The following ACAD10 variants were observed in gnomAD, a reference collection of about 807,000 sequenced individuals.
The protein encoded by ACAD10 is acyl-CoA dehydrogenase family member 10.
ACAD10 carries 112 observed loss-of-function variants against 116.8 expected under a neutral mutation model. The ratio of observed to expected loss-of-function variants is 0.96; its 90% confidence interval spans 0.82 to 1.12. ACAD10 has a LOEUF of 1.12. Ranked by LOEUF, ACAD10 falls within the 50% of genes most tolerant of loss-of-function variation. ACAD10 has a pLI of 0.00. For synonymous variants in ACAD10, 486 were observed against 510.6 expected, an observed-to-expected ratio of 0.95 and a Z score of 0.65; for missense variants, 1,259 against 1,350.2, an observed-to-expected ratio of 0.93 and a Z score of 1.06.
At chr12:111,727,518 C>T (rs887142614) in intron 8 of ACAD10, among the ~76,000 whole-genome samples, 13 of 152,026 alleles carry the variant, frequency 8.6e-5, no homozygotes, top group Admixed American at 5.9e-4. Context: ...AGCGAGACTC[C>T]GTCTCAAAAA....
At chr12:111,692,631 C>T (rs1888083903) in intron 1 of ACAD10, 66 bp from the exon 2 acceptor site, 2 of 1,525,012 alleles carry the variant, frequency 1.3e-6, no homozygotes, top group African/African-American at 1.4e-5. Context: ...CCTCTGAGCT[C>T]CAGGATGGAG....
chr12:111,731,716 TAGA>T (rs1378815764), intron 10 of ACAD10, among the ~76,000 whole-genome samples: 3 of 152,202 alleles, frequency 2.0e-5, no homozygotes, highest in Non-Finnish European at 4.4e-5. Context: ...TTTTGATGGA[TAGA>T]AGAACATTTC....
rs1308816055 is a variant in ACAD10 at position 111,736,955 on chromosome 12, T to C, written c.1665T>C (p.Phe555=). Residue 555 remains phenylalanine, a synonymous_variant, in exon 12 of 21, where the codon TTT becomes TTC. Coordinates refer to ENST00000313698, the MANE Select transcript of ACAD10 (RefSeq NM_025247.6). ...ENWNFYMAFS[F]FRVAAILQGV... ...GGAACTTCTATATGGCTTTTTCCTTTTTCCGTGTGGCTGCAATCCTACAGG... is the reference window on the plus strand; with the variant it reads ...GGAACTTCTATATGGCTTTTTCCTTCTTCCGTGTGGCTGCAATCCTACAGG... The C allele has an allele frequency of 1.2e-6, 2 of 1,613,912 alleles. No individual in the cohort carries two copies. Among genetic ancestry groups the C allele is most frequent in the East Asian group, 2.2e-5 (1 of 44,884 alleles).
In ACAD10 at chr12:111,756,614, C is replaced by T. The variant is rs1315512696; in HGVS notation, c.*141C>T. ...TGTCCCGGGACAGTCAGGGTGGACT[C>T]AATCTTTCTGGTTCTCCACAGAAGA... On this transcript the variant is annotated 3_prime_UTR_variant, in exon 21 of 21. Coordinates refer to ENST00000313698, the MANE Select transcript of ACAD10 (RefSeq NM_025247.6). 3.8e-6 allele frequency: 5 copies of T among 1,327,852 alleles called. No individual in the cohort carries two copies. The South Asian group carries it at 5.1e-5, about 13-fold the overall frequency. 82.3% of individuals were successfully genotyped at this position (1,327,852 alleles called of 1,614,324 possible).
At chr12:111,750,095 GTTTTTTT>G (rs199931703) in intron 18 of ACAD10, among the ~76,000 whole-genome samples, 31 of 132,258 alleles carry the variant, frequency 2.3e-4, no homozygotes, top group African/African-American at 8.0e-4. Context: ...AGTTTTTTTT[GTTTTTTT>G]TTTTTTTGAG....
chr12:111,704,476 T>C (rs1888439630), intron 3 of ACAD10, among the ~76,000 whole-genome samples: 1 of 151,568 alleles, frequency 6.6e-6, no homozygotes, highest in South Asian at 2.1e-4. Context: ...GTCCTAAAAT[T>C]GATGGCAGTG....
At chr12:111,701,491 C>G (rs1888348266) in intron 2 of ACAD10, among the ~76,000 whole-genome samples, 2 of 152,096 alleles carry the variant, frequency 1.3e-5, no homozygotes, top group Non-Finnish European at 1.5e-5. Flanking sequence ...ATGGCAAAAC[C>G]CTGTCTCTAC....
At chr12:111,699,026 G>A (rs1257369311) in intron 2 of ACAD10, among the ~76,000 whole-genome samples, 2 of 151,802 alleles carry the variant, frequency 1.3e-5, no homozygotes, top group East Asian at 1.9e-4. Flanking sequence ...CTATAGGCTC[G>A]CACCACCACA....
chr12:111,742,628 G>A (rs532293094), intron 12 of ACAD10, among the ~76,000 whole-genome samples: 33 of 152,190 alleles, frequency 2.2e-4, no homozygotes, highest in East Asian at 1.2e-3. Flanking sequence ...GGTAGACTGA[G>A]ACAGGAGGAT....
At chr12:111,722,359 C>T (rs1161603394) in intron 8 of ACAD10, among the ~76,000 whole-genome samples, 3 of 149,148 alleles carry the variant, frequency 2.0e-5, no homozygotes, top group Non-Finnish European at 4.4e-5. Context: ...CCACCGTGCC[C>T]GGCCCTAAAC....
chr12:111,750,155 G>A (rs113154161), intron 18 of ACAD10, among the ~76,000 whole-genome samples: 2 of 148,408 alleles, frequency 1.3e-5, no homozygotes, highest in South Asian at 2.1e-4. Flanking sequence ...GCAGTGGCGC[G>A]ATCTTGGCTC....
At chr12:111,732,027 G>A (rs1439722233) in intron 10 of ACAD10, among the ~76,000 whole-genome samples, 1 of 152,168 alleles carries the variant, frequency 6.6e-6, no homozygotes, top group Non-Finnish European at 1.5e-5. Context: ...GTTGCAGTGA[G>A]CCAAGACCGC....
chr12:111,698,364 CCTAGT>C (rs2135946574), intron 2 of ACAD10, among the ~76,000 whole-genome samples: 1 of 147,242 alleles, frequency 6.8e-6, no homozygotes, highest in South Asian at 2.2e-4. Context: ...GTCTCGAACT[CCTAGT>C]CTAAAGTGAT....
intron 18 of ACAD10, 100 bp from the exon 19 acceptor site, chr12:111,753,672 C>A: frequency 6.6e-7 from 1 of 1,518,788 alleles, no homozygotes; most frequent in Non-Finnish European, 9.1e-7. Context: ...CCTGCCCTGT[C>A]CTGTCTGCTT....
intron 2 of ACAD10, among the ~76,000 whole-genome samples, chr12:111,699,727 T>C (rs1200736353): frequency 6.6e-6 from 1 of 152,044 alleles, no homozygotes; most frequent in African/African-American, 2.4e-5. Context: ...GAGACTAGCC[T>C]GGGCAACATA....
In ACAD10 at chr12:111,729,778, C is replaced by T. The variant is rs763701824; in HGVS notation, c.1244-28C>T. On this transcript the variant is annotated intron_variant, in intron 9 of 20. Transcript: ENST00000313698. ...ACTTTCAGAGGTTGCTGAAATTGCA[C>T]ACCAAGTTCTAATCCTATTTCCCGC... The T allele has an allele frequency of 1.9e-6, 3 of 1,598,334 alleles. No homozygotes were observed. The African/African-American group carries it at 4.0e-5, about 21-fold the overall frequency.
At chr12:111,739,739 CA>C (rs1439859721) in intron 12 of ACAD10, among the ~76,000 whole-genome samples, 3 of 151,258 alleles carry the variant, frequency 2.0e-5, no homozygotes, top group East Asian at 3.9e-4. Flanking sequence ...GCCTGGGCAA[CA>C]AAGTGAGACT....
intron 2 of ACAD10, among the ~76,000 whole-genome samples, chr12:111,697,407 C>T (rs1888219286): frequency 6.9e-6 from 1 of 144,986 alleles, no homozygotes; most frequent in Non-Finnish European, 1.5e-5. Flanking sequence ...ATTGCCCAGG[C>T]TAAAGTGCAG....
intron 2 of ACAD10, among the ~76,000 whole-genome samples, chr12:111,695,906 C>G (rs553622437): frequency 3.0e-4 from 45 of 151,672 alleles, no homozygotes; most frequent in African/African-American, 1.0e-3. Flanking sequence ...TGCAGCTACT[C>G]TGGAGGCTGA....
Sources: allele counts gnomAD v4.1 joint callset (sites outside exome capture counted in the v4.1 genomes callset), GRCh38; gene constraint gnomAD v4.1.1; transcripts MANE v1.5; gene names NCBI Gene and HGNC (gene_info 2026-07-23, HGNC 2026-07-21).